The following AP2A2 variants were observed in gnomAD, a reference collection of about 807,000 sequenced individuals.
AP2A2 encodes the protein AP-2 complex subunit alpha-2.
In AP2A2, 32 loss-of-function variants were observed where a neutral mutation model predicts 104.2. That is an observed-to-expected ratio of 0.31 (90% CI 0.23 to 0.41). The LOEUF is 0.41. Among genes scored for constraint, AP2A2 ranks in the 10% least tolerant of loss-of-function variants. The pLI, the probability that AP2A2 is intolerant of heterozygous loss-of-function variation, is 1.00. For missense variants in AP2A2, 912 were observed against 1,261.0 expected (o/e 0.72, Z 4.19); for synonymous variants, 539 against 533.3 (o/e 1.01, Z -0.15).
chr11:957,319 A>G (rs1854269683), intron 1 of AP2A2, among the ~76,000 whole-genome samples: 1 of 152,186 alleles, frequency 6.6e-6, no homozygotes, highest in Non-Finnish European at 1.5e-5. Context: ...TGCAGACTTC[A>G]TTGGATAGGC....
In AP2A2 at chr11:993,662, A is replaced by C; in HGVS notation, c.1551-92A>C. On this transcript the variant is annotated intron_variant, in intron 12 of 21. Transcript: ENST00000448903. This position sits in a 1 kb window ranked among gnomAD's most constrained non-coding sequence, Gnocchi z 8.2. ...CGACCAGCGGCCTCTGGTGCAGGCC[A>C]GGGGGTCTCGCCGCCGTCCCCCCCC... The C allele has an allele frequency of 1.0e-6, 1 of 981,876 alleles. No individual in the cohort carries two copies. Among genetic ancestry groups the C allele is most frequent in the Non-Finnish European group, 1.5e-6 (1 of 660,198 alleles). The allele number at this position is 981,876 out of a possible 1,614,324, so 60.8% of individuals were successfully genotyped here. A position where few individuals can be genotyped will look rare whatever the true frequency, so the allele number is the denominator to read the frequency against.
chr11:1,010,565 G>A lies in AP2A2; in HGVS notation c.2760G>A (p.Leu920=), dbSNP rs755447668. Residue 920 remains leucine (L), a synonymous_variant, in exon 22 of 22, where the codon CTG becomes CTA. Transcript: ENST00000448903. ...TGTTTCAGATGTACCGGCTCACGCT[G>A]CGCACAAGTAAGGAAGCCGTTTCTC... ...NLQAQMYRLT[L]RTSKEAVSQR... is the part of the protein sequence containing the mutation. 3 of 1,595,092 alleles carry A rather than the reference G, an allele frequency of 1.9e-6. No individual in the cohort carries two copies. Among genetic ancestry groups the A allele is most frequent in the Non-Finnish European group, 2.6e-6 (3 of 1,171,044 alleles).
At chr11:979,470 C>T (rs1412699826) in intron 5 of AP2A2, among the ~76,000 whole-genome samples, 1 of 152,076 alleles carries the variant, frequency 6.6e-6, no homozygotes, top group Non-Finnish European at 1.5e-5. Flanking sequence ...CAGCAGGTCT[C>T]TGGGGAGAGT....
chr11:959,514 GT>G lies in AP2A2; in HGVS notation c.136+12del. 6.6e-7 allele frequency: 1 copy of G among 1,517,086 alleles called. No homozygotes were observed. The allele number at this position is 1,517,086 out of a possible 1,614,324, so 94.0% of individuals were successfully genotyped here. The stretch of plus-strand genomic sequence containing the variant: ...CAGATCAAAATTTAAAGGTAAGTAT[GT>G]TTAACCTTTTCCATGAAATGTCCTG... On this transcript the variant is annotated intron_variant, in intron 2 of 21. Transcript: ENST00000448903.
chr11:935,491 A>G (rs10794346), intron 1 of AP2A2, among the ~76,000 whole-genome samples: 88,582 of 151,542 alleles, frequency 0.58, 26,620 homozygotes, highest in Middle Eastern at 0.73. Flanking sequence ...TAGTAGAGAC[A>G]GAGTTTCGCC....
At chr11:1,002,462 C>T (rs1257856641) in intron 15 of AP2A2, among the ~76,000 whole-genome samples, 2 of 152,248 alleles carry the variant, frequency 1.3e-5, no homozygotes, top group Non-Finnish European at 2.9e-5. Context: ...TTTGAAGCTT[C>T]GCATGTGGCT....
intron 4 of AP2A2, among the ~76,000 whole-genome samples, chr11:975,036 G>A (rs1190647171): frequency 6.6e-6 from 1 of 152,204 alleles, no homozygotes; most frequent in Admixed American, 6.5e-5. Context: ...TTGGAGGACT[G>A]CTGGTGTGTG....
chr11:926,088 T>A lies in AP2A2; in HGVS notation c.67T>A (p.Cys23Ser). 1 of 1,326,180 alleles carries A rather than the reference T, an allele frequency of 7.5e-7. No individual in the cohort carries two copies. Among genetic ancestry groups the A allele is most frequent in the African/African-American group, 1.5e-5 (1 of 64,778 alleles). The allele number at this position is 1,326,180 out of a possible 1,614,324, so 82.2% of individuals were successfully genotyped here. The change falls in exon 1 of 22, where the codon TGT becomes AGT. Residue 23 changes from cysteine to serine, a missense_variant and splice_region_variant. By Grantham distance (112) the Cys-to-Ser change is moderately radical (BLOSUM62 -1). This residue lies in a region of AP2A2 where 43 missense variants were observed against 47.0 expected (regional missense o/e 0.91). Transcript: ENST00000448903. ...GGTCTTCATCTCGGATATCCGCAAC[T>A]GTGAGTGGCGGGGGCGGCGTGGGGC... ...LAVFISDIRNCKSKEAEIKRI... is the reference protein window; with the variant it reads ...LAVFISDIRNSKSKEAEIKRI...
In AP2A2 at chr11:969,220, C is replaced by CTTTT. The variant is rs1190722379; in HGVS notation, c.137-925_137-922dup. Among the ~76,000 whole-genome samples, 75 of 48,098 alleles carry CTTTT rather than the reference C, an allele frequency of 1.6e-3. 2 individuals are homozygous for CTTTT. Among genetic ancestry groups the CTTTT allele is most frequent in the Admixed American group, 3.0e-3 (9 of 3,010 alleles). 31.6% of individuals were successfully genotyped at this position (48,098 alleles called of 152,430 possible). A position where few individuals can be genotyped will look rare whatever the true frequency, so the allele number is the denominator to read the frequency against. On this transcript the variant is annotated intron_variant, in intron 2 of 21. Transcript: ENST00000448903. ...AAACTCCTGGCAATGTAGAACAGCC[C>CTTTT]TTTTTTTTTTTTTTTTTTTTTTTTT... is the stretch of plus-strand genomic sequence containing the variant.
chr11:989,823 G>A lies in AP2A2; in HGVS notation c.1269+1134G>A, dbSNP rs556852181. Among the ~76,000 whole-genome samples the A allele has an allele frequency of 9.2e-5, 14 of 152,316 alleles. No homozygotes were observed. In the South Asian group the frequency reaches 2.5e-3, roughly 27 times the overall value. On this transcript the variant is annotated intron_variant, in intron 10 of 21. Coordinates refer to ENST00000448903, the MANE Select transcript of AP2A2 (RefSeq NM_012305.4). ...TTTAAGGGGGAGGCCCGGTGTCCTCGCGTGGGGTTCGCCACTGTGACCAGC... is the reference window on the plus strand; with the variant it reads ...TTTAAGGGGGAGGCCCGGTGTCCTCACGTGGGGTTCGCCACTGTGACCAGC...
chr11:1,003,115 A>G (rs1409998378), intron 15 of AP2A2, among the ~76,000 whole-genome samples: 1 of 152,200 alleles, frequency 6.6e-6, no homozygotes. Context: ...ACGCTATTTT[A>G]TTTTCCCCTA....
chr11:963,001 A>C (rs1054589115), intron 2 of AP2A2, among the ~76,000 whole-genome samples: 4 of 152,212 alleles, frequency 2.6e-5, no homozygotes, highest in Admixed American at 1.3e-4. Context: ...CCAATTTAGA[A>C]ATAGAGTATC....
At chr11:984,217 C>T (rs868285959) in intron 6 of AP2A2, among the ~76,000 whole-genome samples, 6 of 152,144 alleles carry the variant, frequency 3.9e-5, no homozygotes, top group Admixed American at 3.9e-4. Context: ...GTCTCCCTGC[C>T]TCCGTGAGCT....
intron 1 of AP2A2, among the ~76,000 whole-genome samples, chr11:953,003 T>C (rs1221201624): frequency 1.3e-5 from 2 of 152,186 alleles, no homozygotes; most frequent in African/African-American, 2.4e-5. Flanking sequence ...GGGCTCAGAT[T>C]GTTACCTGCG....
At chr11:936,082 T>A (rs559867597) in intron 1 of AP2A2, among the ~76,000 whole-genome samples, 8 of 150,122 alleles carry the variant, frequency 5.3e-5, no homozygotes, top group African/African-American at 1.7e-4. Flanking sequence ...TTTTTTTTTT[T>A]ATTTTTAGTA....
Position 977,241 on chromosome 11 carries a change from T to C in AP2A2, c.603+17T>C, listed in dbSNP as rs1348771584. 1.3e-6 allele frequency: 2 copies of C among 1,570,002 alleles called. No individual in the cohort carries two copies. Among genetic ancestry groups the C allele is most frequent in the Non-Finnish European group, 1.7e-6 (2 of 1,154,012 alleles). On this transcript the variant is annotated intron_variant, in intron 5 of 21. Transcript: ENST00000448903. ...CAGCACTTGGTAAGCACCCTTGGCT[T>C]TGGTTCTCCCCGCTCCCCCAGGTGA...
rs763039423 is a variant in AP2A2 at position 994,206 on chromosome 11, C to T, written c.1917C>T (p.Asn639=). Residue 639 remains asparagine (N), a synonymous_variant, in exon 14 of 22, where the codon AAC becomes AAT. Coordinates refer to ENST00000448903, the MANE Select transcript of AP2A2 (RefSeq NM_012305.4). ...DTKRDRSVDV[N]GGPEPAPAST... is the part of the protein sequence containing the mutation. ...AGCGGGACAGGAGTGTGGACGTGAA[C>T]GGGGGTCCTGAGCCTGCCCCAGCCA... The T allele has an allele frequency of 1.9e-4, 311 of 1,612,770 alleles. 2 individuals carry two copies. The East Asian group carries it at 4.7e-3, about 25-fold the overall frequency.
intron 6 of AP2A2, among the ~76,000 whole-genome samples, chr11:982,064 C>A (rs1855263303): frequency 6.6e-6 from 1 of 152,068 alleles, no homozygotes; most frequent in Non-Finnish European, 1.5e-5. Flanking sequence ...TTATTTTTTT[C>A]TTTTGAGACA....
At chr11:991,176 C>G (rs1051727211) in intron 10 of AP2A2, among the ~76,000 whole-genome samples, 7 of 152,262 alleles carry the variant, frequency 4.6e-5, no homozygotes, top group Admixed American at 6.5e-5. Flanking sequence ...TGGTGTTTCC[C>G]TCTGTCCTTT....
Sources: allele counts gnomAD v4.1 joint callset (sites outside exome capture counted in the v4.1 genomes callset), GRCh38; gene constraint gnomAD v4.1.1; regional missense constraint gnomAD v4.1.1; non-coding constraint Gnocchi (gnomAD v3.1); transcripts MANE v1.5; gene names NCBI Gene and HGNC (gene_info 2026-07-23, HGNC 2026-07-21).